MAP7: variants seen among roughly 807,000 people sequenced by gnomAD.
The protein encoded by MAP7 is ensconsin.
In MAP7, 52 loss-of-function variants were observed where a neutral mutation model predicts 94.8. That is an observed-to-expected ratio of 0.55 (90% CI 0.44 to 0.69). MAP7 has a LOEUF of 0.69. Among genes scored for constraint, MAP7 ranks in the 30% least tolerant of loss-of-function variants. The pLI is 0.00. For synonymous variants in MAP7, 350 were observed against 357.0 expected (o/e 0.98, Z 0.22); for missense variants, 940 against 964.6 (o/e 0.97, Z 0.34).
At chr6:136,423,615 G>A (rs1792123346) in intron 1 of MAP7, among the ~76,000 whole-genome samples, 1 of 151,808 alleles carries the variant, frequency 6.6e-6, no homozygotes, top group East Asian at 1.9e-4. Flanking sequence ...GATGTTTAGG[G>A]TATGGCCTGG....
intron 1 of MAP7, among the ~76,000 whole-genome samples, chr6:136,524,508 G>T (rs183799147): frequency 1.3e-5 from 2 of 152,242 alleles, no homozygotes; most frequent in African/African-American, 4.8e-5. Context: ...GCAAATAAAA[G>T]AATCACATTA....
chr6:136,367,645 G>T (rs1321006631), intron 8 of MAP7, among the ~76,000 whole-genome samples: 1 of 152,180 alleles, frequency 6.6e-6, no homozygotes, highest in East Asian at 1.9e-4. Flanking sequence ...TGAAGAAAGA[G>T]GCAGAGAAGA....
chr6:136,344,576 G>A lies in MAP7; in HGVS notation c.2240-338C>T, dbSNP rs181667553. On this transcript the variant is annotated intron_variant, in intron 17 of 17. Coordinates refer to ENST00000354570, the MANE Select transcript of MAP7 (RefSeq NM_003980.6). ...TGCTTAGGGTTCTAAACATATGTTG[G>A]AGGTTAAATAAATGTTGATAAATCA... Among the ~76,000 whole-genome samples, 7 of 152,280 alleles carry A rather than the reference G, an allele frequency of 4.6e-5. No homozygotes were observed. The East Asian group carries it at 1.4e-3, about 29-fold the overall frequency.
intron 1 of MAP7, among the ~76,000 whole-genome samples, chr6:136,527,861 ACT>A (rs1292839897): frequency 4.6e-5 from 7 of 151,996 alleles, no homozygotes; most frequent in African/African-American, 1.7e-4. Flanking sequence ...AATCTTAAGA[ACT>A]CTTTCCCTCC....
chr6:136,484,316 T>G (rs1254853479), intron 1 of MAP7, among the ~76,000 whole-genome samples: 1 of 152,120 alleles, frequency 6.6e-6, no homozygotes, highest in Non-Finnish European at 1.5e-5. Context: ...AATAGTAAAG[T>G]ATAGTAATTT....
At chr6:136,408,829 T>C (rs1478580021) in intron 3 of MAP7, among the ~76,000 whole-genome samples, 1 of 152,180 alleles carries the variant, frequency 6.6e-6, no homozygotes, top group Non-Finnish European at 1.5e-5. Context: ...GCACAGTTCA[T>C]AGACAGTTGA....
intron 8 of MAP7, among the ~76,000 whole-genome samples, chr6:136,371,252 C>A (rs73780208): frequency 0.026 from 4,015 of 152,248 alleles, 183 homozygotes; most frequent in African/African-American, 0.091. Flanking sequence ...TGTTTTTACC[C>A]AGAACAAGAT....
At chr6:136,382,184 T>C (rs1777995597) in intron 6 of MAP7, among the ~76,000 whole-genome samples, 1 of 152,192 alleles carries the variant, frequency 6.6e-6, no homozygotes, top group Non-Finnish European at 1.5e-5. Context: ...GAGTCTAGAA[T>C]ACATCTTTCT....
intron 1 of MAP7, among the ~76,000 whole-genome samples, chr6:136,485,405 C>A (rs145167008): frequency 7.9e-5 from 12 of 152,072 alleles, no homozygotes; most frequent in East Asian, 7.7e-4. Context: ...AAAATGAATA[C>A]CATGTGGCAG....
chr6:136,450,648 GTGGCTCACGCCTGTAA>G (rs1179325584), intron 1 of MAP7, among the ~76,000 whole-genome samples: 2 of 152,006 alleles, frequency 1.3e-5, no homozygotes, highest in East Asian at 3.9e-4. Context: ...GCCAGGCATG[GTGGCTCACGCCTGTAA>G]TCCCAGCTAC....
At chr6:136,467,204 CAT>C (rs1229381080) in intron 1 of MAP7, among the ~76,000 whole-genome samples, 1 of 152,216 alleles carries the variant, frequency 6.6e-6, no homozygotes, top group Non-Finnish European at 1.5e-5. Context: ...TTACCAAAAT[CAT>C]CTAAACATTA....
intron 16 of MAP7, among the ~76,000 whole-genome samples, chr6:136,348,897 G>A (rs949647242): frequency 5.3e-5 from 8 of 152,046 alleles, no homozygotes; most frequent in East Asian, 1.9e-4. Context: ...GCTCCCCTAC[G>A]GCAATGAACA....
chr6:136,503,536 T>G (rs1048405988), intron 1 of MAP7, among the ~76,000 whole-genome samples: 1 of 152,108 alleles, frequency 6.6e-6, no homozygotes, highest in African/African-American at 2.4e-5. Context: ...CCCCAGTGAC[T>G]CGGCATACCT....
At chr6:136,532,754 C>T (rs1828572678) in intron 1 of MAP7, among the ~76,000 whole-genome samples, 2 of 152,144 alleles carry the variant, frequency 1.3e-5, no homozygotes, top group Admixed American at 1.3e-4. Context: ...TGAGATAAAG[C>T]CCTCTCCTTT....
chr6:136,433,052 T>C (rs1276784756), intron 1 of MAP7, among the ~76,000 whole-genome samples: 1 of 152,154 alleles, frequency 6.6e-6, no homozygotes, highest in South Asian at 2.1e-4. Context: ...AAGAAAGAAA[T>C]GTCTATTACA....
chr6:136,523,331 A>T (rs1826933701), intron 1 of MAP7, among the ~76,000 whole-genome samples: 1 of 152,214 alleles, frequency 6.6e-6, no homozygotes. Context: ...ACAAATTCAG[A>T]ACGTAACAAT....
At chr6:136,406,465 T>C (rs7747460) in intron 3 of MAP7, among the ~76,000 whole-genome samples, 15,112 of 152,158 alleles carry the variant, frequency 0.099, 1,630 homozygotes, top group East Asian at 0.27. Context: ...ACAGCATCAC[T>C]ACTAGTGGAA....
intron 1 of MAP7, among the ~76,000 whole-genome samples, chr6:136,479,832 T>C (rs186175302): frequency 9.8e-4 from 149 of 152,154 alleles, no homozygotes; most frequent in African/African-American, 3.5e-3. Flanking sequence ...AAAACACTGA[T>C]GCCAGAAATC....
chr6:136,470,606 C>G (rs537186316), intron 1 of MAP7, among the ~76,000 whole-genome samples: 1 of 152,038 alleles, frequency 6.6e-6, no homozygotes. Context: ...TACCCTTTGG[C>G]CAATATCTCA....
Sources: gnomAD v4.1 joint callset for allele counts (sites outside exome capture counted in the v4.1 genomes callset) on GRCh38, gnomAD v4.1.1 for gene constraint, MANE v1.5 for transcripts, NCBI Gene and HGNC (gene_info 2026-07-23, HGNC 2026-07-21) for gene names.